Variants in PCDH15 observed in about 807,000 individuals in gnomAD.
PCDH15 encodes the protein protocadherin related 15.
PCDH15 carries 129 observed loss-of-function variants against 178.5 expected under a neutral mutation model. The ratio of observed to expected loss-of-function variants is 0.72; its 90% CI spans 0.63 to 0.84. PCDH15 has a LOEUF of 0.84. Among genes scored for constraint, PCDH15 ranks in the 40% least tolerant of loss-of-function variants. PCDH15 has a pLI of 0.00. For synonymous variants in PCDH15, 800 were observed against 732.0 expected (o/e 1.09, Z -1.50); for missense variants, 2,230 against 2,099.9 (o/e 1.06, Z -1.21).
chr10:55,603,919 TA>T (rs1843145928), intron 2 of PCDH15, among the ~76,000 whole-genome samples: 1 of 144,964 alleles, frequency 6.9e-6, no homozygotes, highest in African/African-American at 2.6e-5. Flanking sequence ...GTAAATGGAC[TA>T]AATGCTCCAA....
chr10:55,345,265 A>G (rs991778601), intron 2 of PCDH15, among the ~76,000 whole-genome samples: 1 of 101,360 alleles, frequency 9.9e-6, no homozygotes, highest in Admixed American at 1.0e-4. Context: ...GCTAGCCATG[A>G]CATAATTTAA....
At chr10:54,467,601 GTT>G (rs67776985) in intron 3 of PCDH15, among the ~76,000 whole-genome samples, 2,619 of 45,824 alleles carry the variant, frequency 0.057, 33 homozygotes, top group African/African-American at 0.13. Flanking sequence ...TCAAGCTGTA[GTT>G]TTTTTTTTTT....
intron 7 of PCDH15, 59 bp from the exon 8 acceptor site, chr10:54,317,500 A>T: frequency 6.3e-7 from 1 of 1,586,872 alleles, no homozygotes; most frequent in Non-Finnish European, 8.6e-7. Flanking sequence ...AATAGCCAGG[A>T]GCAGTGGCCC....
chr10:53,861,638 C>T (rs1382506793), intron 27 of PCDH15, among the ~76,000 whole-genome samples: 1 of 152,160 alleles, frequency 6.6e-6, no homozygotes, highest in African/African-American at 2.4e-5. Flanking sequence ...TTCAATAACA[C>T]ATTTAACCCA....
At chr10:53,811,445 G>A (rs538188708) in intron 36 of PCDH15, 104 bp downstream of exon 36, 190 of 670,248 alleles carry the variant, frequency 2.8e-4, no homozygotes, top group African/African-American at 2.8e-3. Flanking sequence ...TAGTGAGATC[G>A]ACATGACATT....
Position 54,153,186 on chromosome 10 carries a change from G to A in PCDH15, c.1698C>T (p.Thr566=). The change falls in exon 14 of 38, where the codon ACC becomes ACT. Residue 566 remains threonine (T), a synonymous_variant. Coordinates refer to ENST00000644397, the MANE Select transcript of PCDH15 (RefSeq NM_001384140.1). ...CTATCATTTCCACCCCTGGAGCGAT[G>A]GTGATAAGCCCTGTTGTTTTATTGA... The part of the protein sequence containing the change: ...FIINKTTGLI[T]IAPGVEMIVG... 2 of 1,613,892 alleles carry A rather than the reference G, an allele frequency of 1.2e-6. No individual in the cohort carries two copies. The highest frequency in any genetic ancestry group is 1.7e-6 in the Non-Finnish European group (2 of 1,179,894).
intron 2 of PCDH15, among the ~76,000 whole-genome samples, chr10:55,129,376 T>TA (rs1837985498): frequency 6.6e-6 from 1 of 152,114 alleles, no homozygotes; most frequent in African/African-American, 2.4e-5. Context: ...TGAAAGGCAG[T>TA]AAAGGGCTGA....
chr10:54,001,575 C>T (rs988580228), intron 20 of PCDH15, among the ~76,000 whole-genome samples: 3 of 151,580 alleles, frequency 2.0e-5, no homozygotes, highest in African/African-American at 7.3e-5. Flanking sequence ...ACAATAGATA[C>T]ATAAAAAATA....
intron 8 of PCDH15, among the ~76,000 whole-genome samples, chr10:54,276,657 A>G (rs1440348497): frequency 8.6e-6 from 1 of 116,332 alleles, no homozygotes; most frequent in Non-Finnish European, 2.1e-5. Context: ...GTATACTGCA[A>G]CATTTTAAAA....
Position 54,280,111 on chromosome 10 carries a change from T to A in PCDH15, c.876+37160A>T, listed in dbSNP as rs556369518. ...TAATTATTAGAAGAAACTTTGCAGA[T>A]TATAGCCAGATAATTTAAAATAATA... is the stretch of plus-strand genomic sequence containing the variant. On this transcript the variant is annotated intron_variant, in intron 8 of 37. Transcript: ENST00000644397. 5.9e-3 allele frequency among the ~76,000 whole-genome samples: 901 copies of A among 151,816 alleles called. 8 individuals are homozygous for A. Among genetic ancestry groups the A allele is most frequent in the African/African-American group, 0.02 (827 of 41,520 alleles).
intron 1 of PCDH15, among the ~76,000 whole-genome samples, chr10:54,672,045 T>C (rs535635099): frequency 6.6e-6 from 1 of 152,180 alleles, no homozygotes; most frequent in South Asian, 2.1e-4. Flanking sequence ...TATTGTGAAC[T>C]GCACATACAA....
chr10:54,343,003 G>A (rs1942540913), intron 6 of PCDH15, among the ~76,000 whole-genome samples: 1 of 152,128 alleles, frequency 6.6e-6, no homozygotes, highest in African/African-American at 2.4e-5. Flanking sequence ...TAGGCTTATG[G>A]GTTAAAGGGA....
chr10:55,437,163 T>C (rs1188992138), intron 2 of PCDH15, among the ~76,000 whole-genome samples: 2 of 152,106 alleles, frequency 1.3e-5, no homozygotes, highest in Non-Finnish European at 2.9e-5. Flanking sequence ...GAAAATCAAA[T>C]ACCATCACTC....
intron 3 of PCDH15, among the ~76,000 whole-genome samples, chr10:54,409,882 T>C (rs539856350): frequency 5.0e-4 from 76 of 152,268 alleles, no homozygotes; most frequent in African/African-American, 1.6e-3. Flanking sequence ...CCTCTCACCA[T>C]GTATGATACA....
chr10:54,931,700 C>T (rs1837780835), intron 2 of PCDH15, among the ~76,000 whole-genome samples: 1 of 152,074 alleles, frequency 6.6e-6, no homozygotes, highest in Admixed American at 6.6e-5. Flanking sequence ...GATTGTACTG[C>T]CTTTTGCATT....
At chr10:54,541,917 CTTTG>C (rs1254277347) in intron 2 of PCDH15, among the ~76,000 whole-genome samples, 1 of 152,084 alleles carries the variant, frequency 6.6e-6, no homozygotes, top group East Asian at 1.9e-4. Context: ...CTTAATAAGT[CTTTG>C]TTTGCAGAGT....
At chr10:54,979,306 A>G (rs1269854287) in intron 2 of PCDH15, among the ~76,000 whole-genome samples, 1 of 152,194 alleles carries the variant, frequency 6.6e-6, no homozygotes, top group East Asian at 1.9e-4. Context: ...AATTATTTGA[A>G]TAGTTCTCTT....
intron 2 of PCDH15, among the ~76,000 whole-genome samples, chr10:55,509,098 T>C (rs1236050817): frequency 1.3e-5 from 2 of 151,654 alleles, no homozygotes; most frequent in African/African-American, 4.8e-5. Context: ...ACTTAAGAAA[T>C]TGGAGTAAGG....
intron 1 of PCDH15, among the ~76,000 whole-genome samples, chr10:55,316,479 T>C (rs959650732): frequency 6.6e-6 from 1 of 152,144 alleles, no homozygotes; most frequent in African/African-American, 2.4e-5. Context: ...TTAATATCAG[T>C]TGCAGGATAT....
Sources: allele counts gnomAD v4.1 joint callset (sites outside exome capture counted in the v4.1 genomes callset), GRCh38; gene constraint gnomAD v4.1.1; transcripts MANE v1.5; gene names NCBI Gene and HGNC (gene_info 2026-07-23, HGNC 2026-07-21).